Variants in LRRC51 observed in about 807,000 individuals in gnomAD.
The protein encoded by LRRC51 is leucine-rich repeat-containing protein 51.
LRRC51 carries 8 observed loss-of-function variants against 17.8 expected under a neutral mutation model. The observed-to-expected ratio is 0.45, with a 90% CI of 0.26 to 0.81. LRRC51 has a LOEUF of 0.81. LRRC51 is among the 30% of genes least tolerant of loss of function. LRRC51 has a pLI of 0.17. For missense variants in LRRC51, 233 were observed against 239.3 expected (o/e 0.97, Z 0.17); for synonymous variants, 92 against 96.0 (o/e 0.96, Z 0.24).
intron 3 of LRRC51, among the ~76,000 whole-genome samples, chr11:72,092,974 C>G (rs567994488): frequency 8.1e-4 from 123 of 152,350 alleles, no homozygotes; most frequent in African/African-American, 2.9e-3. Flanking sequence ...AATGTCTGCT[C>G]TCTGCCCTAT....
chr11:72,085,288 A>G (rs1944470385), intron 1 of LRRC51: 1 of 152,152 alleles, frequency 6.6e-6, no homozygotes, highest in African/African-American at 2.4e-5. Flanking sequence ...CAAGCTCTCT[A>G]TGTGACACCT....
intron 4 of LRRC51, 103 bp downstream of exon 4, chr11:72,093,804 G>A (rs1269917747): frequency 2.7e-6 from 3 of 1,103,462 alleles, no homozygotes; most frequent in Non-Finnish European, 4.2e-6. Flanking sequence ...TAATGAGGCA[G>A]CATGGTACAG....
chr11:72,091,809 C>T (rs1039067938), intron 3 of LRRC51, among the ~76,000 whole-genome samples: 2 of 152,188 alleles, frequency 1.3e-5, no homozygotes, highest in Non-Finnish European at 2.9e-5. Context: ...TGGTCTCAAA[C>T]GCCTAGGCTC....
intron 1 of LRRC51, chr11:72,086,311 T>C: frequency 1.5e-6 from 1 of 673,832 alleles, no homozygotes; most frequent in South Asian, 1.6e-5. Flanking sequence ...TCTGTGCTCA[T>C]GACAGGGTTC....
Position 72,095,010 on chromosome 11 carries a change from G to C in LRRC51, c.351G>C (p.Leu117=), listed in dbSNP as rs374399069. Reference sequence around the variant, plus strand: ...TTCACGGCAACAGCATCCAGCGCCTGGGGGAGGTGAATAAGCTGGCTGTCC... The same window carrying C: ...TTCACGGCAACAGCATCCAGCGCCTCGGGGAGGTGAATAAGCTGGCTGTCC... ...LYLHGNSIQR[L]GEVNKLAVLP... The change falls in exon 5 of 6, where the codon CTG becomes CTC. Residue 117 remains leucine, a synonymous_variant. Coordinates refer to ENST00000289488, the MANE Select transcript of LRRC51 (RefSeq NM_145309.6). 1 of 1,614,054 alleles carries C rather than the reference G, an allele frequency of 6.2e-7. No individual in the cohort carries two copies. The highest frequency in any genetic ancestry group is 1.1e-5 in the South Asian group (1 of 91,042).
At position 72,095,403 on chromosome 11, in the gene LRRC51, C is replaced by A. The variant is rs751480791; in HGVS notation, c.462C>A (p.Ser154=). ...GGCAATATGTGCTGTGCACCCTGTC[C>A]CGTATCACCACGTTCGACTTCAGTG... ...GYRQYVLCTL[S]RITTFDFSGV... Residue 154 remains serine (S), a synonymous_variant, in exon 6 of 6, where the codon TCC becomes TCA. Coordinates refer to ENST00000289488, the MANE Select transcript of LRRC51 (RefSeq NM_145309.6). 1.5e-5 allele frequency: 24 copies of A among 1,614,150 alleles called. 1 individual carries two copies. In the Middle Eastern group the frequency reaches 2.1e-3, roughly 144 times the overall value.
chr11:72,096,639 A>G lies in LRRC51; in HGVS notation c.*1119A>G. The G allele has an allele frequency of 6.6e-7, 1 of 1,526,200 alleles. No individual in the cohort carries two copies. Among genetic ancestry groups the G allele is most frequent in the Non-Finnish European group, 8.8e-7 (1 of 1,136,486 alleles). 94.5% of individuals were successfully genotyped at this position (1,526,200 alleles called of 1,614,324 possible). A position where few individuals can be genotyped will look rare whatever the true frequency, so the allele number is the denominator to read the frequency against. Reference sequence around the variant, plus strand: ...TTTACCACACAGCCTTGGGAAATTTATCTAACTCTCTGGGCCCCTTTGTAC... The same window carrying G: ...TTTACCACACAGCCTTGGGAAATTTGTCTAACTCTCTGGGCCCCTTTGTAC... On this transcript the variant is annotated 3_prime_UTR_variant, in exon 6 of 6. Coordinates refer to ENST00000289488, the MANE Select transcript of LRRC51 (RefSeq NM_145309.6).
At chr11:72,094,924 G>A (rs1945090591) in intron 4 of LRRC51, 24 bp from the exon 5 acceptor site, 2 of 1,613,976 alleles carry the variant, frequency 1.2e-6, no homozygotes, top group African/African-American at 1.3e-5. Context: ...GTCTAGCCTG[G>A]CTTTTGGTTT....
chr11:72,093,561 C>G lies in LRRC51; in HGVS notation c.148C>G (p.Leu50Val), dbSNP rs139554095. The G allele has an allele frequency of 1.9e-5, 31 of 1,614,152 alleles. No homozygotes were observed. Among genetic ancestry groups the G allele is most frequent in the Non-Finnish European group, 2.5e-6 (3 of 1,180,062 alleles). The change falls in exon 4 of 6, where the codon CTG becomes GTG. Residue 50 changes from leucine (L) to valine (V), a missense_variant. Coordinates refer to ENST00000289488, the MANE Select transcript of LRRC51 (RefSeq NM_145309.6). Reference sequence around the variant, plus strand: ...GAAGCGTTCAAAGTCGGGGAAATCACTGACCCAGTCCCTGTGGCTGAATAA... The same window carrying G: ...GAAGCGTTCAAAGTCGGGGAAATCAGTGACCCAGTCCCTGTGGCTGAATAA... ...PLKRSKSGKSLTQSLWLNNNV... is the reference protein window; with the variant it reads ...PLKRSKSGKSVTQSLWLNNNV...
chr11:72,088,530 G>A (rs566162191), intron 2 of LRRC51, 150 bp downstream of exon 2: 279 of 652,292 alleles, frequency 4.3e-4, no homozygotes, highest in Non-Finnish European at 6.5e-4. Context: ...ATCCCCAGCT[G>A]GGCCAGACTG....
In LRRC51 at chr11:72,093,498, C is replaced by G. The variant is rs949878045; in HGVS notation, c.85C>G (p.Leu29Val). 9 of 1,612,002 alleles carry G rather than the reference C, an allele frequency of 5.6e-6. No homozygotes were observed. The highest frequency in any genetic ancestry group is 1.3e-5 in the African/African-American group (1 of 75,014). ...SFRSIHVIQD[L>V]VNEEPRTGLR... is the part of the protein sequence containing the mutation. ...CAAGTCTCACTTTGTCCCCACAGAT[C>G]TGGTAAATGAGGAGCCAAGGACAGG... Residue 29 changes from leucine (L) to valine (V), a missense_variant and splice_region_variant, in exon 4 of 6, where the codon CTG (leucine) becomes GTG (valine). Leu to Val is a conservative substitution (Grantham distance 32). Coordinates refer to ENST00000289488, the MANE Select transcript of LRRC51 (RefSeq NM_145309.6).
chr11:72,096,834 G>A lies in LRRC51; in HGVS notation c.*1314G>A. 3 of 1,278,524 alleles carry A rather than the reference G, an allele frequency of 2.3e-6. No individual in the cohort carries two copies. The South Asian group carries it at 8.1e-5, about 34-fold the overall frequency. 79.2% of individuals were successfully genotyped at this position (1,278,524 alleles called of 1,614,324 possible). On this transcript the variant is annotated 3_prime_UTR_variant, in exon 6 of 6. Transcript: ENST00000289488. Reference sequence around the variant, plus strand: ...AATCAGATCAAAGTAATTCCATTCTGTTTTATATGCTGGGATTCTGCTTAA... The same window carrying A: ...AATCAGATCAAAGTAATTCCATTCTATTTTATATGCTGGGATTCTGCTTAA...
intron 3 of LRRC51, among the ~76,000 whole-genome samples, chr11:72,091,787 T>C (rs1432716593): frequency 6.6e-6 from 1 of 152,198 alleles, no homozygotes; most frequent in African/African-American, 2.4e-5. Context: ...GGTTTCATGA[T>C]GTTGCCCAGG....
intron 3 of LRRC51, among the ~76,000 whole-genome samples, chr11:72,090,989 C>A (rs764962694): frequency 6.6e-6 from 1 of 152,218 alleles, no homozygotes; most frequent in African/African-American, 2.4e-5. Flanking sequence ...TGTGGTCCAG[C>A]TTCCAGACCT....
Position 72,095,457 on chromosome 11 carries a change from T to C in LRRC51, c.516T>C (p.Ala172=). Residue 172 remains alanine (A), a synonymous_variant, in exon 6 of 6, where the codon GCT becomes GCC. Transcript: ENST00000289488. The part of the protein sequence containing the change: ...SGVTKADRTT[A]EVWKRMNIKP... ...TCACCAAAGCAGACCGCACCACAGCTGAAGTCTGGAAACGCATGAACATCA... is the reference window on the plus strand; with the variant it reads ...TCACCAAAGCAGACCGCACCACAGCCGAAGTCTGGAAACGCATGAACATCA... The C allele has an allele frequency of 6.2e-7, 1 of 1,614,078 alleles. No individual in the cohort carries two copies. The highest frequency in any genetic ancestry group is 1.3e-5 in the African/African-American group (1 of 74,990).
chr11:72,094,410 G>T, intron 4 of LRRC51: 1 of 456,204 alleles, frequency 2.2e-6, no homozygotes, highest in Non-Finnish European at 3.9e-6. Context: ...TCCTGTGGAA[G>T]AGGTAGTCAA....
In LRRC51 at chr11:72,093,594, C is replaced by T. The variant is rs1944989878; in HGVS notation, c.181C>T (p.Leu61Phe). 1 of 1,614,086 alleles carries T rather than the reference C, an allele frequency of 6.2e-7. No homozygotes were observed. Among genetic ancestry groups the T allele is most frequent in the Non-Finnish European group, 8.5e-7 (1 of 1,180,048 alleles). Residue 61 changes from leucine to phenylalanine, a missense_variant, in exon 4 of 6, where the codon CTC becomes TTC. By Grantham distance (22) the Leu-to-Phe change is conservative. Transcript: ENST00000289488. ...GTCCCTGTGGCTGAATAACAATGTT[C>T]TCAATGATCTGAGAGACTTCAACCA... ...TQSLWLNNNVLNDLRDFNQVA... is the reference protein window; with the variant it reads ...TQSLWLNNNVFNDLRDFNQVA...
At position 72,096,804 on chromosome 11, in the gene LRRC51, A is replaced by T; in HGVS notation, c.*1284A>T. 7.3e-7 allele frequency: 1 copy of T among 1,374,502 alleles called. No homozygotes were observed. Among genetic ancestry groups the T allele is most frequent in the Non-Finnish European group, 9.6e-7 (1 of 1,043,580 alleles). The allele number at this position is 1,374,502 out of a possible 1,614,324, so 85.1% of individuals were successfully genotyped here. ...CCTATGATCTCTGAAACCAGCCCCC[A>T]CTTCAATCAGATCAAAGTAATTCCA... On this transcript the variant is annotated 3_prime_UTR_variant, in exon 6 of 6. Coordinates refer to ENST00000289488, the MANE Select transcript of LRRC51 (RefSeq NM_145309.6).
intron 3 of LRRC51, among the ~76,000 whole-genome samples, chr11:72,090,982 G>C (rs1292030730): frequency 2.6e-5 from 4 of 152,174 alleles, no homozygotes; most frequent in Non-Finnish European, 5.9e-5. Flanking sequence ...TGATATTTGT[G>C]GTCCAGCTTC....
Sources: allele counts gnomAD v4.1 joint callset (sites outside exome capture counted in the v4.1 genomes callset), GRCh38; gene constraint gnomAD v4.1.1; transcripts MANE v1.5; gene names NCBI Gene and HGNC (gene_info 2026-07-23, HGNC 2026-07-21).